HBP1: variants seen among roughly 807,000 people sequenced by gnomAD.
HBP1 encodes the protein HMG-box transcription factor 1.
A neutral mutation model predicts 62.6 loss-of-function variants in HBP1; 20 were observed. The observed-to-expected ratio is 0.32, with a 90% CI of 0.22 to 0.46. The LOEUF (loss-of-function observed/expected upper bound fraction) is 0.46. Ranked by LOEUF, HBP1 falls within the 20% of genes least tolerant of loss-of-function variation. HBP1 has a pLI of 1.00. For synonymous variants in HBP1, 232 were observed against 206.2 expected, an observed-to-expected ratio of 1.12 and a Z score of -1.07; for missense variants, 480 against 611.8, an observed-to-expected ratio of 0.78 and a Z score of 2.27.
In HBP1 at chr7:107,202,212, T is replaced by C. The variant is rs947054835; in HGVS notation, c.*781T>C. On this transcript the variant is annotated 3_prime_UTR_variant, in exon 11 of 11. Transcript: ENST00000222574. ...CGTGTTCTGTATCTCCTCAGCCATGTATCTTAAATATATTTTGTCATCATA... is the reference window on the plus strand; with the variant it reads ...CGTGTTCTGTATCTCCTCAGCCATGCATCTTAAATATATTTTGTCATCATA... 1 of 152,334 alleles carries C rather than the reference T, an allele frequency of 6.6e-6. No homozygotes were observed. Among genetic ancestry groups the C allele is most frequent in the Admixed American group, 6.6e-5 (1 of 15,220 alleles). 9.4% of individuals were successfully genotyped at this position (152,334 alleles called of 1,614,324 possible).
chr7:107,198,583 G>C (rs1042358772), intron 9 of HBP1, among the ~76,000 whole-genome samples: 1 of 152,040 alleles, frequency 6.6e-6, no homozygotes, highest in African/African-American at 2.4e-5. Flanking sequence ...TAACATTGAG[G>C]GCCATCAGAT....
chr7:107,196,367 C>A (rs963863567), intron 9 of HBP1: 3 of 549,120 alleles, frequency 5.5e-6, no homozygotes, highest in Non-Finnish European at 1.0e-5. Context: ...CTTCCAGGTT[C>A]AAGTGATTAT....
chr7:107,193,704 G>A (rs1400971114), intron 8 of HBP1, among the ~76,000 whole-genome samples: 4 of 148,488 alleles, frequency 2.7e-5, no homozygotes, highest in Non-Finnish European at 6.1e-5. Context: ...ATCTAGAGAA[G>A]GAAATGGATT....
chr7:107,171,087 T>TTTTTTTTTTTTTTTTG, intron 1 of HBP1, among the ~76,000 whole-genome samples: 1 of 133,794 alleles, frequency 7.5e-6, no homozygotes, highest in African/African-American at 3.0e-5. Context: ...TTTTTTTTTT[T>TTTTTTTTTTTTTTTTG]TGAGAGGGAG....
At position 107,201,623 on chromosome 7, in the gene HBP1, CT is replaced by C. The variant is rs1288149110; in HGVS notation, c.*193del. 5 of 436,838 alleles carry C rather than the reference CT, an allele frequency of 1.1e-5. No homozygotes were observed. The highest frequency in any genetic ancestry group is 2.1e-5 in the Non-Finnish European group (5 of 240,894). The allele number at this position is 436,838 out of a possible 1,614,324, so 27.1% of individuals were successfully genotyped here. On this transcript the variant is annotated 3_prime_UTR_variant, in exon 11 of 11. Transcript: ENST00000222574. ...TCTCCATTAGAGCATTAAGCTAAAA[CT>C]ATCAACATTTTAAACCAAATTGCCT...
At chr7:107,191,178 T>C (rs1473738342) in intron 8 of HBP1, among the ~76,000 whole-genome samples, 1 of 152,196 alleles carries the variant, frequency 6.6e-6, no homozygotes, top group African/African-American at 2.4e-5. Context: ...TTAATTAGTA[T>C]GTTTTATATA....
chr7:107,175,206 A>T (rs77089783), intron 1 of HBP1, among the ~76,000 whole-genome samples: 2 of 106,578 alleles, frequency 1.9e-5, no homozygotes, highest in African/African-American at 2.7e-5. Flanking sequence ...GACCTCTTTT[A>T]AAAAAAAAAA....
At chr7:107,176,702 T>A (rs1479935580) in intron 1 of HBP1, among the ~76,000 whole-genome samples, 2 of 53,050 alleles carry the variant, frequency 3.8e-5, no homozygotes, top group African/African-American at 6.7e-4. Context: ...TTTGCTCCAT[T>A]TTTTTTTTTT....
intron 8 of HBP1, among the ~76,000 whole-genome samples, chr7:107,191,440 T>C (rs1403334692): frequency 1.3e-5 from 2 of 152,218 alleles, no homozygotes; most frequent in African/African-American, 4.8e-5. Context: ...GGAAGATAAT[T>C]TGGCTTTATC....
intron 9 of HBP1, among the ~76,000 whole-genome samples, chr7:107,198,002 C>G (rs1338036664): frequency 6.6e-6 from 1 of 152,058 alleles, no homozygotes; most frequent in African/African-American, 2.4e-5. Context: ...CCTTTGACAT[C>G]TAGAAACAGG....
At chr7:107,197,718 A>G (rs1009588789) in intron 9 of HBP1, among the ~76,000 whole-genome samples, 1 of 152,176 alleles carries the variant, frequency 6.6e-6, no homozygotes, top group Admixed American at 6.5e-5. Flanking sequence ...TGGATCTGTC[A>G]GTCATTTGTG....
intron 1 of HBP1, among the ~76,000 whole-genome samples, chr7:107,177,570 G>A (rs1359074278): frequency 1.3e-5 from 2 of 152,198 alleles, no homozygotes; most frequent in Non-Finnish European, 2.9e-5. Flanking sequence ...TTAGAAGAGT[G>A]AAGAAACTGG....
chr7:107,171,073 A>ATATTTTTTTTTTTTT lies in HBP1; in HGVS notation c.-16+1889_-16+1890insATTTTTTTTTTTTTT. ...TATATATATATATATATATATATATATTTTTTTTTTTTTTTGAGAGGGAGT... is the reference window on the plus strand; with the variant it reads ...TATATATATATATATATATATATATATATTTTTTTTTTTTTTTTTTTTTTTTTTTTGAGAGGGAGT... On this transcript the variant is annotated intron_variant, in intron 1 of 10. Transcript: ENST00000222574. 5.2e-4 allele frequency among the ~76,000 whole-genome samples: 45 copies of ATATTTTTTTTTTTTT among 87,200 alleles called. 5 individuals are homozygous for ATATTTTTTTTTTTTT. Among genetic ancestry groups the ATATTTTTTTTTTTTT allele is most frequent in the African/African-American group, 2.8e-3 (43 of 15,124 alleles). The allele number at this position is 87,200 out of a possible 152,430, so 57.2% of individuals were successfully genotyped here.
In HBP1 at chr7:107,201,557, G is replaced by T; in HGVS notation, c.*126G>T. 1 of 532,878 alleles carries T rather than the reference G, an allele frequency of 1.9e-6. No individual in the cohort carries two copies. The highest frequency in any genetic ancestry group is 3.3e-5 in the South Asian group (1 of 30,760). 33.0% of individuals were successfully genotyped at this position (532,878 alleles called of 1,614,324 possible). On this transcript the variant is annotated 3_prime_UTR_variant, in exon 11 of 11. Coordinates refer to ENST00000222574, the MANE Select transcript of HBP1 (RefSeq NM_012257.4). ...GTGACCATAAGATACTGATAGCATT[G>T]AGTCTTGAAATGATTTAATAATATG...
At chr7:107,198,894 AAAT>A (rs1371904146) in intron 9 of HBP1, among the ~76,000 whole-genome samples, 2 of 152,188 alleles carry the variant, frequency 1.3e-5, no homozygotes, top group African/African-American at 4.8e-5. Context: ...TTTTAGCTTA[AAAT>A]AATAAATGTT....
At chr7:107,185,688 T>G in intron 3 of HBP1, 113 bp from the exon 4 acceptor site, 1 of 738,780 alleles carries the variant, frequency 1.4e-6, no homozygotes. Flanking sequence ...GTGTTTACCA[T>G]AAATGTGTTC....
intron 3 of HBP1, 100 bp from the exon 4 acceptor site, chr7:107,185,701 T>C: frequency 2.4e-6 from 2 of 846,940 alleles, no homozygotes; most frequent in Non-Finnish European, 1.9e-6. Context: ...ATGTGTTCAA[T>C]GTAATAACAT....
In HBP1 at chr7:107,190,323, A is replaced by G. The variant is rs1478772873; in HGVS notation, c.1067+6A>G. On this transcript the variant is annotated splice_donor_region_variant and intron_variant, in intron 8 of 10. Transcript: ENST00000222574. ...GTTTTTGATACATTTAAAAGGTAAT[A>G]TTGGATTAATTCTTTGTTTTATTTT... 3 of 1,587,768 alleles carry G rather than the reference A, an allele frequency of 1.9e-6. No individual in the cohort carries two copies. The highest frequency in any genetic ancestry group is 2.6e-6 in the Non-Finnish European group (3 of 1,160,524).
intron 2 of HBP1, among the ~76,000 whole-genome samples, chr7:107,181,478 A>C (rs1317911716): frequency 1.3e-5 from 2 of 151,924 alleles, no homozygotes; most frequent in Admixed American, 1.3e-4. Flanking sequence ...TCTCAAAAAA[A>C]AATTTTTTTT....
Sources: gnomAD v4.1 joint callset for allele counts (sites outside exome capture counted in the v4.1 genomes callset) on GRCh38, gnomAD v4.1.1 for gene constraint, MANE v1.5 for transcripts, NCBI Gene and HGNC (gene_info 2026-07-23, HGNC 2026-07-21) for gene names.